The following PCDHA3 variants were observed in gnomAD, a reference collection of about 807,000 sequenced individuals.
The protein encoded by PCDHA3 is protocadherin alpha 3, also known as protocadherin alpha-3.
In PCDHA3, 41 loss-of-function variants were observed where a neutral mutation model predicts 62.2. The ratio of observed to expected loss-of-function variants is 0.66; its 90% CI spans 0.51 to 0.86. The LOEUF is 0.86. Among genes scored for constraint, PCDHA3 ranks in the 40% least tolerant of loss-of-function variants. The probability of loss-of-function intolerance (pLI) is 0.00; values close to 1 mark genes in which losing one functional copy is unlikely to be tolerated. For synonymous variants in PCDHA3, 640 were observed against 555.4 expected, an observed-to-expected ratio of 1.15 and a Z score of -2.14; for missense variants, 1,304 against 1,241.2, an observed-to-expected ratio of 1.05 and a Z score of -0.76.
At chr5:140,975,935 C>A (rs1351802479) in intron 1 of PCDHA3, among the ~76,000 whole-genome samples, 1 of 152,060 alleles carries the variant, frequency 6.6e-6, no homozygotes, top group Non-Finnish European at 1.5e-5. Flanking sequence ...ACCTTTGAAG[C>A]AATAGGACAT....
At chr5:140,843,763 G>T in intron 1 of PCDHA3, 1 of 1,492,614 alleles carries the variant, frequency 6.7e-7, no homozygotes, top group Non-Finnish European at 9.2e-7. Flanking sequence ...TGTGGAAATT[G>T]TAGTTACTTT....
In PCDHA3 at chr5:140,868,996, G is replaced by A. The variant is rs2050789342; in HGVS notation, c.2394+65405G>A. ...CATCATACCGGATGCCACCGTTTAA[G>A]GATCCTTTGAAACTTCTTAAGAATT... is the stretch of plus-strand genomic sequence containing the variant. On this transcript the variant is annotated intron_variant, in intron 1 of 3. Transcript: ENST00000522353. The A allele has an allele frequency of 2.6e-6, 4 of 1,516,490 alleles. No individual in the cohort carries two copies. The African/African-American group carries it at 4.2e-5, about 16-fold the overall frequency. 93.9% of individuals were successfully genotyped at this position (1,516,490 alleles called of 1,614,324 possible).
intron 1 of PCDHA3, among the ~76,000 whole-genome samples, chr5:140,899,982 A>T (rs185115696): frequency 3.3e-4 from 49 of 150,716 alleles, no homozygotes; most frequent in African/African-American, 1.1e-3. Flanking sequence ...TACTTTTTTG[A>T]TTTTTTTTGT....
intron 1 of PCDHA3, among the ~76,000 whole-genome samples, chr5:140,900,073 G>C (rs1490261769): frequency 6.6e-6 from 1 of 152,072 alleles, no homozygotes; most frequent in South Asian, 2.1e-4. Context: ...GCCTCCAAAA[G>C]TGCTGCAGTT....
intron 1 of PCDHA3, chr5:140,851,015 G>A: frequency 2.1e-6 from 3 of 1,432,294 alleles, no homozygotes; most frequent in Non-Finnish European, 1.8e-6. Context: ...TTTTTTTTCT[G>A]ATAAAGTAAA....
chr5:140,986,154 A>G (rs2097188970), intron 3 of PCDHA3, among the ~76,000 whole-genome samples: 1 of 152,182 alleles, frequency 6.6e-6, no homozygotes, highest in Non-Finnish European at 1.5e-5. Context: ...TCACCAAGTA[A>G]TGTTTTCTGC....
At position 140,851,668 on chromosome 5, in the gene PCDHA3, G is replaced by A. The variant is rs550292349; in HGVS notation, c.2394+48077G>A. 14 of 914,874 alleles carry A rather than the reference G, an allele frequency of 1.5e-5. 2 individuals carry two copies. Among genetic ancestry groups the A allele is most frequent in the Non-Finnish European group, 1.9e-5 (14 of 751,922 alleles). 56.7% of individuals were successfully genotyped at this position (914,874 alleles called of 1,614,324 possible). A position where few individuals can be genotyped will look rare whatever the true frequency, so the allele number is the denominator to read the frequency against. ...TCAAGAAGACATTCTCCTTTTAATT[G>A]AAATTTTCTCCATTCAGTGATAAAA... On this transcript the variant is annotated intron_variant, in intron 1 of 3. Coordinates refer to ENST00000522353, the MANE Select transcript of PCDHA3 (RefSeq NM_018906.3).
intron 1 of PCDHA3, among the ~76,000 whole-genome samples, chr5:140,919,556 A>G (rs980403400): frequency 5.9e-5 from 9 of 152,186 alleles, no homozygotes; most frequent in African/African-American, 2.2e-4. Context: ...ACTGATTTAT[A>G]TTAAGTGAAT....
chr5:140,886,956 A>T (rs1007882657), intron 1 of PCDHA3, among the ~76,000 whole-genome samples: 1 of 152,090 alleles, frequency 6.6e-6, no homozygotes, highest in Non-Finnish European at 1.5e-5. Context: ...TTAGACATTT[A>T]GCAACGAAAT....
At chr5:140,812,147 T>TTTGTTGTTGTTGTTGTTGTTGTTG (rs70988777) in intron 1 of PCDHA3, 1 of 150,790 alleles carries the variant, frequency 6.6e-6, no homozygotes, top group African/African-American at 2.4e-5. Flanking sequence ...GTTTTGGGCT[T>TTTGTTGTTGTTGTTGTTGTTGTTG]TTGTTGTTGT....
At chr5:140,828,805 T>G in intron 1 of PCDHA3, 1 of 1,614,212 alleles carries the variant, frequency 6.2e-7, no homozygotes, top group Non-Finnish European at 8.5e-7. Context: ...TGAATGATAA[T>G]GCTCCCACTT....
chr5:140,829,418 G>C, intron 1 of PCDHA3: 2 of 1,614,154 alleles, frequency 1.2e-6, no homozygotes, highest in African/African-American at 1.3e-5. Context: ...CAGCTTGTCT[G>C]TGGAGGTGGC....
intron 1 of PCDHA3, chr5:140,882,198 G>C (rs964999330): frequency 2.0e-6 from 3 of 1,525,466 alleles, no homozygotes; most frequent in African/African-American, 2.8e-5. Context: ...ATAAAAATTG[G>C]GCCTTGAGAG....
chr5:141,006,379 G>GT (rs2098271047), intron 3 of PCDHA3, among the ~76,000 whole-genome samples: 1 of 151,748 alleles, frequency 6.6e-6, no homozygotes, highest in South Asian at 2.1e-4. Flanking sequence ...GCCCGGCTAA[G>GT]TTTTTTCTAT....
At chr5:140,982,207 C>T (rs868956427) in intron 2 of PCDHA3, 8 of 429,564 alleles carry the variant, frequency 1.9e-5, no homozygotes, top group East Asian at 1.5e-4. Flanking sequence ...ATTTAGTGAG[C>T]GCCACATGGC....
At chr5:140,807,705 G>A (rs1764012692) in intron 1 of PCDHA3, 1 of 1,614,218 alleles carries the variant, frequency 6.2e-7, no homozygotes, top group Non-Finnish European at 8.5e-7. Flanking sequence ...TACAGACTGA[G>A]CCCAAATGAA....
At chr5:140,975,675 T>C (rs1047804393) in intron 1 of PCDHA3, among the ~76,000 whole-genome samples, 3 of 152,240 alleles carry the variant, frequency 2.0e-5, no homozygotes, top group Non-Finnish European at 2.9e-5. Context: ...AGTTTATTAA[T>C]AAAATAGGGT....
rs1232327422 is a variant in PCDHA3, at chr5:140,841,830, A to G, written c.2394+38239A>G. On this transcript the variant is annotated intron_variant, in intron 1 of 3. Transcript: ENST00000522353. ...GTTGGAGCTAACTCCGTGTTAACCT[A>G]CAGGCTTAGCTCTCATGATTACTTC... 5.6e-6 allele frequency: 9 copies of G among 1,613,794 alleles called. No individual in the cohort carries two copies. In the South Asian group the frequency reaches 7.7e-5, roughly 14 times the overall value.
chr5:140,994,303 C>T (rs13163241), intron 3 of PCDHA3, among the ~76,000 whole-genome samples: 9,825 of 152,220 alleles, frequency 0.065, 357 homozygotes, highest in East Asian at 0.12. Flanking sequence ...ATTGTTTTCA[C>T]AGGGCCCAAA....
Sources: allele counts gnomAD v4.1 joint callset (sites outside exome capture counted in the v4.1 genomes callset), GRCh38; gene constraint gnomAD v4.1.1; transcripts MANE v1.5; gene names NCBI Gene and HGNC (gene_info 2026-07-23, HGNC 2026-07-21).